The following ZDHHC14 variants were observed in gnomAD, a reference collection of about 807,000 sequenced individuals.
ZDHHC14 encodes palmitoyltransferase ZDHHC14.
Under a neutral mutation model 47.7 loss-of-function variants are expected in ZDHHC14, and 16 were observed. That is an observed-to-expected ratio of 0.34 (90% CI 0.23 to 0.51). The LOEUF (loss-of-function observed/expected upper bound fraction) is 0.51, where lower values mean the gene tolerates loss of function less well. Among genes scored for constraint, ZDHHC14 ranks in the 20% least tolerant of loss-of-function variants. The pLI, the probability that ZDHHC14 is intolerant of heterozygous loss-of-function variation, is 0.97. For synonymous variants in ZDHHC14, 293 were observed against 278.9 expected (o/e 1.05, Z -0.50); for missense variants, 515 against 662.5 (o/e 0.78, Z 2.44).
At chr6:157,654,088 C>T (rs1777971616) in intron 8 of ZDHHC14, among the ~76,000 whole-genome samples, 1 of 152,144 alleles carries the variant, frequency 6.6e-6, no homozygotes, top group Admixed American at 6.5e-5. Flanking sequence ...TGGGATCAGC[C>T]CTGTGTAAAA....
At chr6:157,563,476 G>C (rs1333593287) in intron 2 of ZDHHC14, among the ~76,000 whole-genome samples, 1 of 152,198 alleles carries the variant, frequency 6.6e-6, no homozygotes, top group East Asian at 1.9e-4. Context: ...TTGAAAGTGG[G>C]AGTGTGTGCT....
At chr6:157,510,344 C>T (rs1780433614) in intron 1 of ZDHHC14, among the ~76,000 whole-genome samples, 1 of 152,200 alleles carries the variant, frequency 6.6e-6, no homozygotes, top group African/African-American at 2.4e-5. Context: ...AACTAAATCC[C>T]TGAAAAGAAT....
intron 5 of ZDHHC14, among the ~76,000 whole-genome samples, chr6:157,643,650 A>AAAATATATATAT (rs765773743): frequency 1.4e-5 from 1 of 72,520 alleles, no homozygotes; most frequent in African/African-American, 4.5e-5. Flanking sequence ...CTTCATCTCA[A>AAAATATATATAT]ATATATATAT....
chr6:157,432,745 A>C (rs1778363128), intron 1 of ZDHHC14, among the ~76,000 whole-genome samples: 1 of 152,218 alleles, frequency 6.6e-6, no homozygotes, highest in South Asian at 2.1e-4. Flanking sequence ...AATGGCTTTC[A>C]TGCCCCGTAA....
intron 8 of ZDHHC14, among the ~76,000 whole-genome samples, chr6:157,657,056 T>A (rs953429034): frequency 5.1e-5 from 2 of 39,460 alleles, no homozygotes; most frequent in African/African-American, 9.1e-5. Flanking sequence ...GTATTTGTAT[T>A]TTTTTTTTTT....
chr6:157,444,819 G>A (rs1382167824), intron 1 of ZDHHC14, among the ~76,000 whole-genome samples: 1 of 152,130 alleles, frequency 6.6e-6, no homozygotes, highest in Non-Finnish European at 1.5e-5. Context: ...GAGTGGAGGG[G>A]CCTTCCATGG....
chr6:157,645,702 C>T (rs1777507892), intron 5 of ZDHHC14, 35 bp from the exon 6 acceptor site: 2 of 1,576,662 alleles, frequency 1.3e-6, no homozygotes, highest in South Asian at 1.1e-5. Flanking sequence ...CTTGCGCGGT[C>T]CCTCACTTCC....
chr6:157,539,325 C>A (rs1781660601), intron 1 of ZDHHC14, among the ~76,000 whole-genome samples: 1 of 151,988 alleles, frequency 6.6e-6, no homozygotes, highest in African/African-American at 2.4e-5. Context: ...ATCTCTTGAG[C>A]CCCAGGAGTT....
intron 1 of ZDHHC14, among the ~76,000 whole-genome samples, chr6:157,542,159 C>T (rs1300833725): frequency 6.6e-6 from 1 of 152,172 alleles, no homozygotes; most frequent in East Asian, 1.9e-4. Context: ...AAGGCTGGCT[C>T]TCATGAAGAT....
chr6:157,583,148 G>A (rs1783573877), intron 2 of ZDHHC14, among the ~76,000 whole-genome samples: 1 of 151,908 alleles, frequency 6.6e-6, no homozygotes, highest in Admixed American at 6.6e-5. Flanking sequence ...AGATCCCTTG[G>A]ATTGGGTTTC....
intron 1 of ZDHHC14, among the ~76,000 whole-genome samples, chr6:157,528,006 G>T (rs1387833708): frequency 6.6e-6 from 1 of 152,158 alleles, no homozygotes; most frequent in Non-Finnish European, 1.5e-5. Flanking sequence ...TTAATTGATT[G>T]TAGCTTTCAT....
intron 1 of ZDHHC14, among the ~76,000 whole-genome samples, chr6:157,522,826 TCCCTCCCTCCC>T (rs1780985392): frequency 3.0e-5 from 1 of 33,346 alleles, no homozygotes; most frequent in Non-Finnish European, 4.8e-5. Flanking sequence ...CCTCCCTCCC[TCCCTCCCTCCC>T]TTCCTTCCTT....
At chr6:157,507,727 C>A (rs980676150) in intron 1 of ZDHHC14, among the ~76,000 whole-genome samples, 1 of 152,144 alleles carries the variant, frequency 6.6e-6, no homozygotes, top group Non-Finnish European at 1.5e-5. Flanking sequence ...GCACTGCTGT[C>A]GCTCCAGAGT....
rs1780221648 is a variant in ZDHHC14 at position 157,502,881 on chromosome 6, G to A, written c.246-39704G>A. Among the ~76,000 whole-genome samples the A allele has an allele frequency of 6.6e-6, 1 of 152,038 alleles. No individual in the cohort carries two copies. The highest frequency in any genetic ancestry group is 1.5e-5 in the Non-Finnish European group (1 of 68,000). On this transcript the variant is annotated intron_variant, in intron 1 of 8. Coordinates refer to ENST00000359775, the MANE Select transcript of ZDHHC14 (RefSeq NM_024630.3). The surrounding 1 kb of genome is among the most constrained non-coding windows in gnomAD (Gnocchi z 4.0). ...AATTTTTGTATTTTTAATAGAGATGGGGTTTTACCATGTTGCCCAGGCTGG... is the reference window on the plus strand; with the variant it reads ...AATTTTTGTATTTTTAATAGAGATGAGGTTTTACCATGTTGCCCAGGCTGG...
chr6:157,536,819 C>CTTTTTTTTTTTTTTTTTTTTTTT (rs768063106), intron 1 of ZDHHC14, among the ~76,000 whole-genome samples: 2 of 97,988 alleles, frequency 2.0e-5, no homozygotes, highest in African/African-American at 6.4e-5. Flanking sequence ...CTCCATCTAT[C>CTTTTTTTTTTTTTTTTTTTTTTT]TTTTTTTTTT....
intron 3 of ZDHHC14, among the ~76,000 whole-genome samples, chr6:157,594,757 G>T (rs529685076): frequency 3.3e-5 from 5 of 152,290 alleles, no homozygotes; most frequent in Non-Finnish European, 5.9e-5. Flanking sequence ...ATCAGCCTTT[G>T]TTTGATTACC....
intron 1 of ZDHHC14, among the ~76,000 whole-genome samples, chr6:157,533,097 A>G (rs1781422739): frequency 6.6e-6 from 1 of 152,178 alleles, no homozygotes; most frequent in Non-Finnish European, 1.5e-5. Flanking sequence ...TTGAAACACA[A>G]ATAGGATTGT....
chr6:157,437,601 G>A (rs1425211567), intron 1 of ZDHHC14, among the ~76,000 whole-genome samples: 1 of 152,170 alleles, frequency 6.6e-6, no homozygotes, highest in Non-Finnish European at 1.5e-5. Context: ...CCCAATTAAA[G>A]AATCCTTCTC....
chr6:157,582,969 C>A lies in ZDHHC14; in HGVS notation c.407-10019C>A, dbSNP rs974297614. Among the ~76,000 whole-genome samples, 4 of 151,746 alleles carry A rather than the reference C, an allele frequency of 2.6e-5. No individual in the cohort carries two copies. Among genetic ancestry groups the A allele is most frequent in the Non-Finnish European group, 2.9e-5 (2 of 67,980 alleles). Reference sequence around the variant, plus strand: ...CTAACTGAGTTATTTCAGAGCCAGTCTTTAAGCTGTGAGATTCCTTCTTCT... The same window carrying A: ...CTAACTGAGTTATTTCAGAGCCAGTATTTAAGCTGTGAGATTCCTTCTTCT... On this transcript the variant is annotated intron_variant, in intron 2 of 8. Coordinates refer to ENST00000359775, the MANE Select transcript of ZDHHC14 (RefSeq NM_024630.3). This position sits in a 1 kb window ranked among gnomAD's most constrained non-coding sequence, Gnocchi z 4.3.
Sources: allele counts gnomAD v4.1 joint callset (sites outside exome capture counted in the v4.1 genomes callset), GRCh38; gene constraint gnomAD v4.1.1; non-coding constraint Gnocchi (gnomAD v3.1); transcripts MANE v1.5; gene names NCBI Gene and HGNC (gene_info 2026-07-23, HGNC 2026-07-21).